Variants in COL13A1 observed in about 807,000 individuals in gnomAD.
The protein encoded by COL13A1 is collagen type XIII alpha 1 chain, also known as collagen alpha-1(XIII) chain.
Under a neutral mutation model 130.9 loss-of-function variants are expected in COL13A1, and 89 were observed. That is an observed-to-expected ratio of 0.68 (90% CI 0.57 to 0.81). The LOEUF (loss-of-function observed/expected upper bound fraction) is 0.81, where lower values mean the gene tolerates loss of function less well. Ranked by LOEUF, COL13A1 falls within the 30% of genes least tolerant of loss-of-function variation. COL13A1 has a pLI of 0.00. For synonymous variants in COL13A1, 402 were observed against 341.6 expected, an observed-to-expected ratio of 1.18 and a Z score of -1.95; for missense variants, 879 against 934.6, an observed-to-expected ratio of 0.94 and a Z score of 0.78.
rs1312665062 is a variant in COL13A1, at chr10:69,947,326, G to A, written c.2042G>A (p.Gly681Glu). The A allele has an allele frequency of 1.2e-6, 2 of 1,612,982 alleles. No homozygotes were observed. Among genetic ancestry groups the A allele is most frequent in the Admixed American group, 1.7e-5 (1 of 59,900 alleles). The change falls in exon 38 of 41, where the codon GGG (glycine) becomes GAG (glutamate). Residue 681 changes from glycine (G) to glutamate (E), a missense_variant. Gly to Glu is a moderately conservative substitution (Grantham distance 98, BLOSUM62 -2). Transcript: ENST00000645393. ...AGLPGLHGPP[G>E]DKGNRGERGK... ...TTGCAGGGTTTACATGGACCACCCGGGGACAAGGGAAACCGGGTGAGTCTG... is the reference window on the plus strand; with the variant it reads ...TTGCAGGGTTTACATGGACCACCCGAGGACAAGGGAAACCGGGTGAGTCTG...
chr10:69,869,783 G>A (rs1335244228), intron 3 of COL13A1, among the ~76,000 whole-genome samples: 1 of 152,162 alleles, frequency 6.6e-6, no homozygotes, highest in Non-Finnish European at 1.5e-5. Context: ...TCAATTTAAG[G>A]GAGAATTTCC....
At position 69,937,667 on chromosome 10, in the gene COL13A1, G is replaced by A; in HGVS notation, c.1830G>A (p.Glu610=). Residue 610 remains glutamate (E), a synonymous_variant, in exon 34 of 41, where the codon GAG becomes GAA. Coordinates refer to ENST00000645393, the MANE Select transcript of COL13A1 (RefSeq NM_001368882.1). ...GEAGLDGAKG[E]KGFQGEKGDR... is the part of the protein sequence containing the mutation. ...CAGGACTAGATGGAGCAAAAGGAGA[G>A]AAAGGCTTCCAGGGAGAAAAAGGAG... The A allele has an allele frequency of 1.3e-6, 2 of 1,588,256 alleles. No homozygotes were observed. The highest frequency in any genetic ancestry group is 1.7e-6 in the Non-Finnish European group (2 of 1,156,506).
At chr10:69,923,946 G>A (rs2065020287) in intron 24 of COL13A1, 91 bp downstream of exon 24, 4 of 1,520,536 alleles carry the variant, frequency 2.6e-6, no homozygotes, top group Non-Finnish European at 3.6e-6. Context: ...GTATCCCTCA[G>A]GGCACAAGGC....
rs1404091266 is a variant in COL13A1, at chr10:69,894,582, G to T, written c.630+4G>T. The T allele has an allele frequency of 1.5e-5, 24 of 1,613,902 alleles. No homozygotes were observed. The highest frequency in any genetic ancestry group is 1.9e-5 in the Non-Finnish European group (22 of 1,179,900). Reference sequence around the variant, plus strand: ...GACGGGTCCCCCAGGACAGCCGGTTGGTACCTCATCCATCTATTTCCCAGC... The same window carrying T: ...GACGGGTCCCCCAGGACAGCCGGTTTGTACCTCATCCATCTATTTCCCAGC... On this transcript the variant is annotated splice_donor_region_variant and intron_variant, in intron 11 of 40. Coordinates refer to ENST00000645393, the MANE Select transcript of COL13A1 (RefSeq NM_001368882.1).
chr10:69,889,307 C>T (rs900408922), intron 9 of COL13A1, 107 bp from the exon 10 acceptor site: 56 of 1,397,742 alleles, frequency 4.0e-5, no homozygotes, highest in African/African-American at 2.9e-5. Flanking sequence ...GGGAGGAGCA[C>T]GGGGGGCAGG....
intron 7 of COL13A1, among the ~76,000 whole-genome samples, chr10:69,884,454 C>G (rs1272472624): frequency 6.6e-6 from 1 of 152,158 alleles, no homozygotes; most frequent in Non-Finnish European, 1.5e-5. Flanking sequence ...GACCATCTCT[C>G]AAGGGTCAAA....
At chr10:69,903,612 T>G (rs1307916776) in intron 15 of COL13A1, among the ~76,000 whole-genome samples, 1 of 152,222 alleles carries the variant, frequency 6.6e-6, no homozygotes, top group Admixed American at 6.5e-5. Flanking sequence ...AAGACTAATG[T>G]TATTGGAGAG....
Position 69,867,834 on chromosome 10 carries a change from A to G in COL13A1, c.372+29A>G, listed in dbSNP as rs1423215935. ...AGTACTCAAGCCGAGGGTCTCGTGC[A>G]TCTGAAAGGCCTGTGTCACCTGCTG... On this transcript the variant is annotated intron_variant, in intron 3 of 40. Coordinates refer to ENST00000645393, the MANE Select transcript of COL13A1 (RefSeq NM_001368882.1). The G allele has an allele frequency of 5.6e-6, 4 of 718,136 alleles. No individual in the cohort carries two copies. The Admixed American group carries it at 6.0e-5, about 11-fold the overall frequency. The allele number at this position is 718,136 out of a possible 1,614,324, so 44.5% of individuals were successfully genotyped here. A position where few individuals can be genotyped will look rare whatever the true frequency, so the allele number is the denominator to read the frequency against.
intron 2 of COL13A1, among the ~76,000 whole-genome samples, chr10:69,841,606 G>A (rs968485499): frequency 3.9e-5 from 6 of 152,258 alleles, no homozygotes; most frequent in African/African-American, 9.6e-5. Context: ...CATGACTTAC[G>A]GTTCAGTCAG....
At chr10:69,919,123 G>A (rs768395911) in intron 20 of COL13A1, 35 bp downstream of exon 20, 3 of 1,613,522 alleles carry the variant, frequency 1.9e-6, no homozygotes, top group South Asian at 1.1e-5. Flanking sequence ...GGGCTGCACA[G>A]AGCATCGGTC....
intron 14 of COL13A1, among the ~76,000 whole-genome samples, chr10:69,902,428 C>G (rs751497756): frequency 6.6e-6 from 1 of 152,200 alleles, no homozygotes; most frequent in Non-Finnish European, 1.5e-5. Context: ...GGGAGCAGGC[C>G]TTTGGTTGGG....
rs75688645 is a variant in COL13A1, at chr10:69,860,429, T to A, written c.365-7369T>A. On this transcript the variant is annotated intron_variant, in intron 2 of 40. Coordinates refer to ENST00000645393, the MANE Select transcript of COL13A1 (RefSeq NM_001368882.1). ...TACCCCCTCATACCGCACTGAGCCG[T>A]GCTTCCAAGCACCTGCCTTCTGCTG... Among the ~76,000 whole-genome samples, 1,249 of 152,336 alleles carry A rather than the reference T, an allele frequency of 8.2e-3. 23 individuals carry two copies. Among genetic ancestry groups the A allele is most frequent in the African/African-American group, 0.029 (1,203 of 41,568 alleles).
intron 1 of COL13A1, among the ~76,000 whole-genome samples, chr10:69,806,162 T>C (rs1841506614): frequency 6.6e-6 from 1 of 152,144 alleles, no homozygotes; most frequent in Non-Finnish European, 1.5e-5. Context: ...GGAGGGCCCT[T>C]AGGGATCTGG....
intron 25 of COL13A1, among the ~76,000 whole-genome samples, chr10:69,925,225 A>G (rs371499181): frequency 8.5e-5 from 13 of 152,190 alleles, no homozygotes; most frequent in African/African-American, 3.1e-4. Context: ...GGGTATGGTA[A>G]TCCACACACT....
chr10:69,878,830 G>C (rs2059866437), intron 6 of COL13A1, among the ~76,000 whole-genome samples: 1 of 152,248 alleles, frequency 6.6e-6, no homozygotes, highest in African/African-American at 2.4e-5. Context: ...AAACTCATCT[G>C]ATGCCCAAGG....
intron 2 of COL13A1, chr10:69,829,245 C>T (rs371148969): frequency 7.1e-6 from 7 of 985,438 alleles, no homozygotes; most frequent in Admixed American, 6.1e-5. Flanking sequence ...GGTGCTGCCA[C>T]CTGACCTCCT....
At chr10:69,899,687 G>A (rs1275789278) in intron 14 of COL13A1, among the ~76,000 whole-genome samples, 3 of 152,204 alleles carry the variant, frequency 2.0e-5, no homozygotes, top group African/African-American at 4.8e-5. Flanking sequence ...TTGGATAGGA[G>A]CAGATCACAA....
At chr10:69,919,241 C>T (rs2064315641) in intron 20 of COL13A1, among the ~76,000 whole-genome samples, 153 bp downstream of exon 20, 1 of 152,212 alleles carries the variant, frequency 6.6e-6, no homozygotes, top group South Asian at 2.1e-4. Context: ...GTCAGGAGCA[C>T]ACTGCAAATG....
chr10:69,814,043 C>G (rs1379339144), intron 1 of COL13A1, among the ~76,000 whole-genome samples: 7 of 152,238 alleles, frequency 4.6e-5, no homozygotes, highest in Non-Finnish European at 1.0e-4. Context: ...ACCCTGACAT[C>G]TGAGGGCCAG....
Sources: gnomAD v4.1 joint callset for allele counts (sites outside exome capture counted in the v4.1 genomes callset) on GRCh38, gnomAD v4.1.1 for gene constraint, MANE v1.5 for transcripts, NCBI Gene and HGNC (gene_info 2026-07-23, HGNC 2026-07-21) for gene names.